Variants in TBCE observed in about 807,000 individuals in gnomAD.
TBCE encodes the protein tubulin folding cofactor E, also known as tubulin-specific chaperone E.
A neutral mutation model predicts 77.0 loss-of-function variants in TBCE; 53 were observed. The ratio of observed to expected loss-of-function variants is 0.69; its 90% CI spans 0.55 to 0.87. The LOEUF (loss-of-function observed/expected upper bound fraction) is 0.87. TBCE is among the 40% of genes least tolerant of loss of function. The probability of loss-of-function intolerance (pLI) is 0.00; values close to 1 mark genes in which losing one functional copy is unlikely to be tolerated. For synonymous variants in TBCE, 235 were observed against 241.3 expected (o/e 0.97, Z 0.24); for missense variants, 624 against 622.4 (o/e 1.00, Z -0.03).
At chr1:235,371,893 C>T (rs948662880) in intron 1 of TBCE, among the ~76,000 whole-genome samples, 39 of 152,098 alleles carry the variant, frequency 2.6e-4, no homozygotes, top group African/African-American at 8.9e-4. Context: ...GGGCTGGTCT[C>T]GAACTCCTGA....
intron 3 of TBCE, among the ~76,000 whole-genome samples, chr1:235,413,090 A>C (rs539093131): frequency 3.7e-4 from 57 of 152,308 alleles, no homozygotes; most frequent in Non-Finnish European, 6.9e-4. Context: ...GGCATGAGCT[A>C]CTGTGCCTGG....
At chr1:235,368,126 G>A (rs1676662337) in intron 1 of TBCE, among the ~76,000 whole-genome samples, 1 of 152,054 alleles carries the variant, frequency 6.6e-6, no homozygotes, top group Admixed American at 6.6e-5. Flanking sequence ...GGCTGCTCTC[G>A]AACTCCTGAT....
At chr1:235,373,805 C>T (rs1411919970) in intron 1 of TBCE, among the ~76,000 whole-genome samples, 1 of 145,136 alleles carries the variant, frequency 6.9e-6, no homozygotes. Context: ...CCCGCCACCA[C>T]GCCTGGCTAA....
intron 8 of TBCE, among the ~76,000 whole-genome samples, chr1:235,435,323 A>G (rs999032291): frequency 1.3e-5 from 2 of 150,484 alleles, no homozygotes; most frequent in East Asian, 2.0e-4. Flanking sequence ...CTGGTCTTGA[A>G]CTCCTGACCT....
At chr1:235,426,551 A>T (rs1680724086) in intron 5 of TBCE, among the ~76,000 whole-genome samples, 5 of 152,092 alleles carry the variant, frequency 3.3e-5, no homozygotes, top group Admixed American at 3.3e-4. Context: ...CTTTTGTTGG[A>T]TAGTGCTAGG....
chr1:235,436,550 A>T lies in TBCE; in HGVS notation c.905A>T (p.Lys302Ile). 1 of 1,613,984 alleles carries T rather than the reference A, an allele frequency of 6.2e-7. No individual in the cohort carries two copies. The highest frequency in any genetic ancestry group is 8.5e-7 in the Non-Finnish European group (1 of 1,179,944). The change falls in exon 11 of 17, where the codon AAA (lysine) becomes ATA (isoleucine). Residue 302 changes from lysine (K) to isoleucine (I), a missense_variant. By Grantham distance (102) the Lys-to-Ile change is moderately radical. Transcript: ENST00000642610. ...TTCATTCCTCTTTTTATAGGGTGCAAAACGTCCATGTTCCCATCCTTGAAG... is the reference window on the plus strand; with the variant it reads ...TTCATTCCTCTTTTTATAGGGTGCATAACGTCCATGTTCCCATCCTTGAAG... Reference protein sequence around the residue: ...LHFPDAGIGCKTSMFPSLKYL... With the variant: ...LHFPDAGIGCITSMFPSLKYL...
chr1:235,439,427 C>T (rs1176218660), intron 13 of TBCE, among the ~76,000 whole-genome samples: 4 of 145,604 alleles, frequency 2.7e-5, no homozygotes, highest in Non-Finnish European at 6.1e-5. Context: ...ACCCGGGGGG[C>T]GGAGCTTGCA....
chr1:235,427,302 C>A, intron 6 of TBCE, 63 bp downstream of exon 6: 1 of 1,262,134 alleles, frequency 7.9e-7, no homozygotes, highest in Non-Finnish European at 1.2e-6. Context: ...TGCTTCCTCA[C>A]AGCATCTCTG....
At chr1:235,393,627 T>C (rs1049931855) in intron 2 of TBCE, among the ~76,000 whole-genome samples, 3 of 152,144 alleles carry the variant, frequency 2.0e-5, no homozygotes, top group Non-Finnish European at 2.9e-5. Flanking sequence ...TCATTTACTG[T>C]ATTGAAATAT....
chr1:235,394,590 C>A (rs953070883), intron 2 of TBCE, among the ~76,000 whole-genome samples: 1 of 151,568 alleles, frequency 6.6e-6, no homozygotes, highest in Non-Finnish European at 1.5e-5. Context: ...ACCACCATGC[C>A]CAGCTAATTT....
intron 8 of TBCE, 70 bp from the exon 9 acceptor site, chr1:235,435,675 T>TC: frequency 1.4e-6 from 2 of 1,462,400 alleles, no homozygotes; most frequent in East Asian, 4.5e-5. Flanking sequence ...AATGCAGGGA[T>TC]TTTAAGGCTG....
rs59405398 is a variant in TBCE at position 235,448,220 on chromosome 1, C to CAAA, written c.1400-111_1400-109dup. On this transcript the variant is annotated intron_variant, in intron 15 of 16. Coordinates refer to ENST00000642610, the MANE Select transcript of TBCE (RefSeq NM_003193.5). ...CTTAAGTAAGTAAGTAAGTCAGTCT[C>CAAA]AAAAAAAAAAAAAAAAAAAAGACAG... 0.04 allele frequency: 20,889 copies of CAAA among 519,164 alleles called. 701 individuals are homozygous for CAAA. Among genetic ancestry groups the CAAA allele is most frequent in the African/African-American group, 0.19 (6,033 of 31,276 alleles). 32.2% of individuals were successfully genotyped at this position (519,164 alleles called of 1,614,324 possible).
intron 2 of TBCE, 117 bp downstream of exon 2, chr1:235,380,266 T>C: frequency 1.0e-6 from 1 of 991,432 alleles, no homozygotes; most frequent in Non-Finnish European, 1.6e-6. Context: ...ATACCACAAA[T>C]TTTGACGAAA....
At chr1:235,448,629 T>A (rs753265986) in intron 16 of TBCE, 41 bp from the exon 17 acceptor site, 3 of 1,545,528 alleles carry the variant, frequency 1.9e-6, no homozygotes, top group East Asian at 2.2e-5. Flanking sequence ...TTATCGGATC[T>A]GTCTTAATCA....
intron 13 of TBCE, 173 bp from the exon 14 acceptor site, chr1:235,441,641 A>C: frequency 1.6e-6 from 1 of 619,286 alleles, no homozygotes; most frequent in Non-Finnish European, 2.9e-6. Context: ...TGCCCTTGGA[A>C]GTGGTCGTTG....
intron 13 of TBCE, 61 bp from the exon 14 acceptor site, chr1:235,441,752 GT>G: frequency 6.7e-7 from 1 of 1,486,046 alleles, no homozygotes; most frequent in South Asian, 1.1e-5. Flanking sequence ...TTGTTTGTTT[GT>G]TTTGTTTTTA....
At chr1:235,381,928 A>G (rs1677683414) in intron 2 of TBCE, among the ~76,000 whole-genome samples, 1 of 145,098 alleles carries the variant, frequency 6.9e-6, no homozygotes, top group Admixed American at 6.9e-5. Context: ...CTCGTCATTT[A>G]GCATTAGGTA....
chr1:235,395,752 C>T (rs897481947), intron 2 of TBCE, among the ~76,000 whole-genome samples: 1 of 151,914 alleles, frequency 6.6e-6, no homozygotes, highest in African/African-American at 2.4e-5. Flanking sequence ...GCCATGTTGG[C>T]CAGGCTGCTC....
intron 3 of TBCE, among the ~76,000 whole-genome samples, chr1:235,407,878 G>GT (rs34485501): frequency 0.14 from 21,361 of 149,964 alleles, 1,884 homozygotes; most frequent in African/African-American, 0.24. Flanking sequence ...GTGGTTTTCA[G>GT]TTTTTTTTTT....
Sources: allele counts gnomAD v4.1 joint callset (sites outside exome capture counted in the v4.1 genomes callset), GRCh38; gene constraint gnomAD v4.1.1; transcripts MANE v1.5; gene names NCBI Gene and HGNC (gene_info 2026-07-23, HGNC 2026-07-21).